The following ZNF536 variants were observed in gnomAD, a reference collection of about 807,000 sequenced individuals.
The protein encoded by ZNF536 is zinc finger protein 536.
Under a neutral mutation model 84.5 loss-of-function variants are expected in ZNF536, and 13 were observed. The observed-to-expected ratio is 0.15, with a 90% CI of 0.10 to 0.24. ZNF536 has a LOEUF of 0.24. Among genes scored for constraint, ZNF536 ranks in the 10% least tolerant of loss-of-function variants. ZNF536 has a pLI of 1.00. For missense variants in ZNF536, 1,536 were observed against 1,747.5 expected (o/e 0.88, Z 2.16); for synonymous variants, 811 against 742.5 (o/e 1.09, Z -1.50).
rs2148207423 is a variant in ZNF536 at position 30,445,000 on chromosome 19, G to A, written c.1438G>A (p.Val480Ile). 3 of 1,611,146 alleles carry A rather than the reference G, an allele frequency of 1.9e-6. No individual in the cohort carries two copies. The highest frequency in any genetic ancestry group is 2.5e-6 in the Non-Finnish European group (3 of 1,178,536). The change falls in exon 2 of 5, where the codon GTC (valine) becomes ATC (isoleucine). Residue 480 changes from valine (V) to isoleucine (I), a missense_variant. Transcript: ENST00000355537. ...TCCCATCTCCAGCATGGCCCACGGC[G>A]TCCCGGAGGGGGACAAGCACTCCCT... ...LSPISSMAHGVPEGDKHSLLG... is the reference protein window; with the variant it reads ...LSPISSMAHGIPEGDKHSLLG...
chr19:30,336,231 T>C (rs1417968811), intron 2 of ZNF536, among the ~76,000 whole-genome samples: 1 of 152,230 alleles, frequency 6.6e-6, no homozygotes, highest in Non-Finnish European at 1.5e-5. Context: ...ACATATTTAC[T>C]GGTGTCTTCA....
At chr19:30,236,614 G>A (rs2023538284) in intron 1 of ZNF536, among the ~76,000 whole-genome samples, 1 of 151,924 alleles carries the variant, frequency 6.6e-6, no homozygotes. Flanking sequence ...AAGATAACAT[G>A]AACATTTCCA....
chr19:30,271,286 GTTTTTTTCTTTTCTTTTT>G (rs924876974), intron 1 of ZNF536, among the ~76,000 whole-genome samples: 7 of 83,830 alleles, frequency 8.4e-5, no homozygotes, highest in African/African-American at 4.1e-4. Context: ...CTTTCCCTGT[GTTTTTTTCTTTTCTTTTT>G]TTTTTTTTTT....
At chr19:30,233,859 C>A (rs573895878) in intron 1 of ZNF536, among the ~76,000 whole-genome samples, 4 of 152,164 alleles carry the variant, frequency 2.6e-5, no homozygotes, top group Non-Finnish European at 5.9e-5. Flanking sequence ...TCCCGTGACC[C>A]ACGTTCAGCT....
chr19:30,241,172 G>A (rs1230386815), intron 1 of ZNF536, among the ~76,000 whole-genome samples: 2 of 152,094 alleles, frequency 1.3e-5, no homozygotes, highest in Admixed American at 1.3e-4. Context: ...AAAAAAATTA[G>A]CTGGGTGTGG....
At chr19:30,251,756 C>T (rs2024624365) in intron 1 of ZNF536, among the ~76,000 whole-genome samples, 1 of 152,170 alleles carries the variant, frequency 6.6e-6, no homozygotes, top group Non-Finnish European at 1.5e-5. Flanking sequence ...CCCTGAGTCC[C>T]CAAGGTCCAT....
downstream of ZNF536, among the ~76,000 whole-genome samples, chr19:30,561,306 A>G (rs148483551): frequency 3.0e-4 from 45 of 152,302 alleles, 1 homozygote; most frequent in East Asian, 8.5e-3. Context: ...GGCCACTCCA[A>G]GGTGTGCCCT....
intron 3 of ZNF536, among the ~76,000 whole-genome samples, chr19:30,364,171 G>A (rs765953231): frequency 6.6e-6 from 1 of 152,164 alleles, no homozygotes; most frequent in Non-Finnish European, 1.5e-5. Context: ...ATATAGCCAA[G>A]AATGGAGCCG....
intron 1 of ZNF536, among the ~76,000 whole-genome samples, chr19:30,688,100 C>T (rs971189729): frequency 6.6e-6 from 1 of 151,558 alleles, no homozygotes; most frequent in African/African-American, 2.4e-5. Context: ...ACCCAGAAAA[C>T]ACGGAGATTA....
chr19:30,255,040 C>T (rs1413268038), intron 1 of ZNF536, among the ~76,000 whole-genome samples: 2 of 152,180 alleles, frequency 1.3e-5, no homozygotes. Context: ...TTGATGATCT[C>T]GGCTTAGCCT....
chr19:30,617,625 C>T (rs1389084571), intron 1 of ZNF536, among the ~76,000 whole-genome samples: 1 of 151,948 alleles, frequency 6.6e-6, no homozygotes, highest in East Asian at 1.9e-4. Context: ...GCTGGGATTA[C>T]AGGCATGAGC....
intron 2 of ZNF536, among the ~76,000 whole-genome samples, chr19:30,509,823 T>C (rs183720872): frequency 1.2e-3 from 183 of 152,370 alleles, no homozygotes; most frequent in Middle Eastern, 6.8e-3. Flanking sequence ...GGCTATTAAC[T>C]ACTTCATCAG....
At chr19:30,477,857 T>A (rs1445635194) in intron 2 of ZNF536, among the ~76,000 whole-genome samples, 1 of 152,212 alleles carries the variant, frequency 6.6e-6, no homozygotes, top group African/African-American at 2.4e-5. Context: ...GATCCTCTAT[T>A]GTTATAAGTG....
intron 2 of ZNF536, among the ~76,000 whole-genome samples, chr19:30,503,028 G>A (rs1318143208): frequency 6.6e-6 from 1 of 152,182 alleles, no homozygotes; most frequent in Non-Finnish European, 1.5e-5. Flanking sequence ...AGTAAAGGTT[G>A]ACAGGTTTTA....
chr19:30,292,930 A>G (rs1232049095), intron 2 of ZNF536, among the ~76,000 whole-genome samples: 1 of 152,226 alleles, frequency 6.6e-6, no homozygotes, highest in Non-Finnish European at 1.5e-5. Flanking sequence ...CAAACCAATC[A>G]ATAACTTCTT....
intron 1 of ZNF536, among the ~76,000 whole-genome samples, chr19:30,238,447 ACAC>A (rs2023698230): frequency 6.6e-6 from 1 of 152,114 alleles, no homozygotes; most frequent in Non-Finnish European, 1.5e-5. Flanking sequence ...ACACACACAC[ACAC>A]ACACACACAA....
intron 3 of ZNF536, among the ~76,000 whole-genome samples, chr19:30,538,950 G>A (rs2045205940): frequency 6.6e-6 from 1 of 152,040 alleles, no homozygotes; most frequent in Admixed American, 6.6e-5. Flanking sequence ...GCTCATACCT[G>A]TAATCCCAGC....
intron 2 of ZNF536, among the ~76,000 whole-genome samples, chr19:30,509,008 A>C (rs914212485): frequency 3.4e-5 from 5 of 149,076 alleles, no homozygotes; most frequent in African/African-American, 1.2e-4. Flanking sequence ...ATTTTTAAAA[A>C]ATTTCTTGTT....
chr19:30,227,265 T>TC (rs1365932254), upstream of ZNF536, among the ~76,000 whole-genome samples: 1 of 151,620 alleles, frequency 6.6e-6, no homozygotes, highest in Non-Finnish European at 1.5e-5. Context: ...GAAAGTTAAG[T>TC]CCCCCCCTTT....
Sources: gnomAD v4.1 joint callset for allele counts (sites outside exome capture counted in the v4.1 genomes callset) on GRCh38, gnomAD v4.1.1 for gene constraint, MANE v1.5 for transcripts, NCBI Gene and HGNC (gene_info 2026-07-23, HGNC 2026-07-21) for gene names.